The following ADAMTSL1 variants were observed in gnomAD, a reference collection of about 807,000 sequenced individuals.
ADAMTSL1 encodes ADAMTS-like protein 1.
A neutral mutation model predicts 201.8 loss-of-function variants in ADAMTSL1; 126 were observed. The ratio of observed to expected loss-of-function variants is 0.62; its 90% CI spans 0.54 to 0.72. The LOEUF is 0.72. ADAMTSL1 is among the 30% of genes least tolerant of loss of function. The pLI is 0.00. For synonymous variants in ADAMTSL1, 1,121 were observed against 903.4 expected, an observed-to-expected ratio of 1.24 and a Z score of -4.32; for missense variants, 2,679 against 2,277.8, an observed-to-expected ratio of 1.18 and a Z score of -3.59.
intron 8 of ADAMTSL1, among the ~76,000 whole-genome samples, chr9:18,661,048 T>A (rs984553218): frequency 1.3e-5 from 2 of 152,188 alleles, no homozygotes; most frequent in African/African-American, 4.8e-5. Context: ...AAAGGCCTAA[T>A]TTTTTAAAAT....
At chr9:18,060,222 A>G (rs1221064072) in intron 1 of ADAMTSL1, among the ~76,000 whole-genome samples, 1 of 152,122 alleles carries the variant, frequency 6.6e-6, no homozygotes, top group Non-Finnish European at 1.5e-5. Flanking sequence ...CCTACTTTGT[A>G]CTGGCTTTTA....
intron 1 of ADAMTSL1, among the ~76,000 whole-genome samples, chr9:18,062,221 G>GA (rs1479890209): frequency 6.6e-6 from 1 of 152,128 alleles, no homozygotes; most frequent in Non-Finnish European, 1.5e-5. Context: ...CTTTTCTTCT[G>GA]ATTGAAAAAT....
At chr9:18,725,149 GC>G (rs536689399) in intron 15 of ADAMTSL1, among the ~76,000 whole-genome samples, 58 of 152,078 alleles carry the variant, frequency 3.8e-4, no homozygotes, top group Non-Finnish European at 7.6e-4. Flanking sequence ...CTCGTGATCT[GC>G]CCACCTCGGC....
rs537370376 is a variant in ADAMTSL1 at position 18,348,917 on chromosome 9, T to C, written c.208-155912T>C. Among the ~76,000 whole-genome samples, 70 of 152,332 alleles carry C rather than the reference T, an allele frequency of 4.6e-4. 1 individual carries two copies. In the South Asian group the frequency reaches 0.014, roughly 31 times the overall value. ...ACAACTACCATTTATTGAACGTGTA[T>C]TGCCAGTCATTTTACTAAGTATTTA... On this transcript the variant is annotated intron_variant, in intron 2 of 29. Transcript: ENST00000680146.
intron 1 of ADAMTSL1, among the ~76,000 whole-genome samples, chr9:18,082,233 A>G (rs1458699039): frequency 6.6e-6 from 1 of 152,228 alleles, no homozygotes; most frequent in African/African-American, 2.4e-5. Flanking sequence ...TACGAAACTA[A>G]ATATGTGCCC....
Position 18,674,200 on chromosome 9 carries a change from A to ACG in ADAMTSL1, c.1086-1656_1086-1655insGC, listed in dbSNP as rs1323743187. On this transcript the variant is annotated intron_variant, in intron 9 of 28. Coordinates refer to ENST00000380548, the MANE Select transcript of ADAMTSL1 (RefSeq NM_001040272.6). ...ACTGAAGGTTAATACACACACAGGC[A>ACG]CACACACACACACACACACACAAAC... 1.0e-3 allele frequency among the ~76,000 whole-genome samples: 145 copies of ACG among 139,680 alleles called. 1 individual carries two copies. The highest frequency in any genetic ancestry group is 3.9e-3 in the African/African-American group (138 of 35,740). 91.6% of individuals were successfully genotyped at this position (139,680 alleles called of 152,430 possible).
intron 4 of ADAMTSL1, among the ~76,000 whole-genome samples, chr9:18,586,399 T>G (rs1361959252): frequency 6.6e-6 from 1 of 151,984 alleles, no homozygotes; most frequent in Non-Finnish European, 1.5e-5. Flanking sequence ...AGGTGAGAAC[T>G]TTCTACAATA....
intron 4 of ADAMTSL1, among the ~76,000 whole-genome samples, chr9:18,598,172 C>T (rs946025763): frequency 6.6e-6 from 1 of 152,140 alleles, no homozygotes. Context: ...CAAAGCTAAT[C>T]GCAAATCAGT....
chr9:18,487,205 CTCTT>C (rs2131837337), intron 1 of ADAMTSL1, among the ~76,000 whole-genome samples: 1 of 152,178 alleles, frequency 6.6e-6, no homozygotes, highest in Non-Finnish European at 1.5e-5. Flanking sequence ...GTCACATAAA[CTCTT>C]TATATTGTTT....
chr9:18,170,818 G>T (rs150561805), intron 2 of ADAMTSL1, among the ~76,000 whole-genome samples: 2 of 152,068 alleles, frequency 1.3e-5, no homozygotes, highest in Non-Finnish European at 2.9e-5. Context: ...GGAGAGCTGG[G>T]CATCTAACTG....
chr9:18,026,707 A>G (rs1464483506), intron 1 of ADAMTSL1, among the ~76,000 whole-genome samples: 3 of 152,066 alleles, frequency 2.0e-5, no homozygotes, highest in Admixed American at 1.3e-4. Flanking sequence ...TATCAGGACA[A>G]TGCTGGCTTT....
At chr9:18,345,106 C>T (rs887133062) in intron 2 of ADAMTSL1, among the ~76,000 whole-genome samples, 57 of 152,232 alleles carry the variant, frequency 3.7e-4, no homozygotes, top group African/African-American at 1.2e-3. Flanking sequence ...CTCACATTCA[C>T]TTTCACTCTG....
At chr9:18,874,333 T>C (rs919674954) in intron 23 of ADAMTSL1, among the ~76,000 whole-genome samples, 15 of 152,172 alleles carry the variant, frequency 9.9e-5, no homozygotes, top group Non-Finnish European at 1.8e-4. Context: ...TCCAGTACTA[T>C]GTTGAAGAGA....
intron 2 of ADAMTSL1, among the ~76,000 whole-genome samples, chr9:18,225,605 C>T (rs981236470): frequency 2.6e-5 from 4 of 152,050 alleles, no homozygotes; most frequent in Non-Finnish European, 5.9e-5. Flanking sequence ...TATTAAAAAA[C>T]ACTGAACTCT....
intron 3 of ADAMTSL1, among the ~76,000 whole-genome samples, chr9:18,559,643 T>G (rs1334758068): frequency 1.3e-5 from 2 of 152,230 alleles, no homozygotes; most frequent in Non-Finnish European, 2.9e-5. Flanking sequence ...CCCATTAGCA[T>G]GGAATGTTTT....
At chr9:18,510,218 A>T (rs1283306718) in intron 2 of ADAMTSL1, among the ~76,000 whole-genome samples, 2 of 152,188 alleles carry the variant, frequency 1.3e-5, no homozygotes, top group Admixed American at 1.3e-4. Context: ...AGGGAGGTAG[A>T]TTACTTAGAT....
chr9:18,749,482 C>T (rs925112397), intron 15 of ADAMTSL1, among the ~76,000 whole-genome samples: 7 of 152,116 alleles, frequency 4.6e-5, no homozygotes, highest in Non-Finnish European at 5.9e-5. Flanking sequence ...AGACCAGATC[C>T]CCTGTCCTCC....
chr9:18,441,538 G>A (rs1217290287), intron 2 of ADAMTSL1, among the ~76,000 whole-genome samples: 2 of 152,066 alleles, frequency 1.3e-5, no homozygotes, highest in Non-Finnish European at 2.9e-5. Context: ...GGAAGATCTG[G>A]GAAATTCACC....
rs36025746 is a variant in ADAMTSL1, at chr9:17,983,076, CT to C, written c.87+76166del. ...TTTTCTTTTCTTTCTTTCTTTCTTT[CT>C]TTTTTTTTTTTGAGACTGAATCTTG... On this transcript the variant is annotated intron_variant, in intron 1 of 29. Coordinates refer to the ADAMTSL1 transcript ENST00000680146. Among the ~76,000 whole-genome samples the C allele has an allele frequency of 4.4e-5, 5 of 114,208 alleles. 1 individual carries two copies. The highest frequency in any genetic ancestry group is 1.6e-4 in the African/African-American group (5 of 30,692). 74.9% of individuals were successfully genotyped at this position (114,208 alleles called of 152,430 possible).
Sources: gnomAD v4.1 joint callset for allele counts (sites outside exome capture counted in the v4.1 genomes callset) on GRCh38, gnomAD v4.1.1 for gene constraint, MANE v1.5 for transcripts, NCBI Gene and HGNC (gene_info 2026-07-23, HGNC 2026-07-21) for gene names.